Variants in RUSF1 observed in about 807,000 individuals in gnomAD.
RUSF1 encodes RUS1 family protein C16orf58.
A neutral mutation model predicts 63.0 loss-of-function variants in RUSF1; 58 were observed. The ratio of observed to expected loss-of-function variants is 0.92; its 90% confidence interval spans 0.75 to 1.15. The LOEUF (loss-of-function observed/expected upper bound fraction) is 1.15. Among genes scored for constraint, RUSF1 ranks in the 50% most tolerant of loss-of-function variants. The probability of loss-of-function intolerance (pLI) is 0.00; values close to 1 mark genes in which losing one functional copy is unlikely to be tolerated. For missense variants in RUSF1, 652 were observed against 611.0 expected (o/e 1.07, Z -0.71); for synonymous variants, 274 against 255.8 (o/e 1.07, Z -0.68).
At chr16:31,492,899 G>T in intron 10 of RUSF1, 79 bp downstream of exon 10, 1 of 1,443,004 alleles carries the variant, frequency 6.9e-7, no homozygotes, top group Non-Finnish European at 9.5e-7. Flanking sequence ...ACTGCCCAGA[G>T]CTCGGGGCCC....
intron 2 of RUSF1, among the ~76,000 whole-genome samples, chr16:31,504,235 A>C (rs2082647046): frequency 2.0e-5 from 3 of 149,964 alleles, no homozygotes; most frequent in Admixed American, 2.0e-4. Flanking sequence ...AGTGATCTTG[A>C]TTTTTCTTAA....
At position 31,508,159 on chromosome 16, in the gene RUSF1, CCGGAGAGGGG is replaced by C; in HGVS notation, c.205_214del (p.Pro69GlyfsTer39). 1 of 1,586,102 alleles carries C rather than the reference CCGGAGAGGGG, an allele frequency of 6.3e-7. No individual in the cohort carries two copies. The highest frequency in any genetic ancestry group is 8.6e-7 in the Non-Finnish European group (1 of 1,167,262). On this transcript the variant is annotated frameshift_variant, in exon 1 of 13. Transcript: ENST00000327237. LOFTEE classifies it high-confidence loss of function. ...CTGAGGCAGGAACACGGCCTGGAGC[CCGGAGAGGGG>C]CGGTGAGGGGGCCCCGGAAGCCCCC...
intron 2 of RUSF1, among the ~76,000 whole-genome samples, chr16:31,505,148 T>C (rs886505589): frequency 2.6e-5 from 4 of 152,120 alleles, no homozygotes; most frequent in Admixed American, 1.3e-4. Flanking sequence ...AGGAGAGATA[T>C]GCTGGCGGCA....
chr16:31,492,421 G>A, intron 10 of RUSF1, 81 bp from the exon 11 acceptor site: 1 of 1,447,314 alleles, frequency 6.9e-7, no homozygotes, highest in Non-Finnish European at 9.1e-7. Flanking sequence ...TGCTTCCCCT[G>A]TCTGCCCCAA....
In RUSF1 at chr16:31,492,297, G is replaced by C; in HGVS notation, c.1131C>G (p.Thr377=). 3 of 1,606,464 alleles carry C rather than the reference G, an allele frequency of 1.9e-6. No homozygotes were observed. In the South Asian group the frequency reaches 3.3e-5, roughly 18 times the overall value. ...GCCCATGTGTGGCGGCCCTTAGGAT[G>C]GTCTTGGGGCCTGCCTTCTGGTTCA... ...VVLNQKAGPK[T]ILRAATHGLM... The change falls in exon 11 of 13, where the codon ACC becomes ACG. Residue 377 remains threonine, a synonymous_variant. Coordinates refer to ENST00000327237, the MANE Select transcript of RUSF1 (RefSeq NM_022744.4).
Position 31,492,979 on chromosome 16 carries a change from TTG to T in RUSF1, c.1084_1085del (p.Gln362LysfsTer51). On this transcript the variant is annotated frameshift_variant and splice_region_variant, in exon 10 of 13. Transcript: ENST00000327237. LOFTEE classifies it high-confidence loss of function. Reference sequence around the variant, plus strand: ...GCTGGGAGAATGAGGCACACTCACTTTGTGACTGGTCCCAGCAGAGGAGGTAG... The same window carrying T: ...GCTGGGAGAATGAGGCACACTCACTTTGACTGGTCCCAGCAGAGGAGGTAG... The part of the protein sequence containing the change: ...ESYLLCWDQS[Q>X]NQVQVVLNQK... 6.2e-7 allele frequency: 1 copy of T among 1,609,712 alleles called. No homozygotes were observed. The highest frequency in any genetic ancestry group is 8.5e-7 in the Non-Finnish European group (1 of 1,177,034).
intron 2 of RUSF1, among the ~76,000 whole-genome samples, chr16:31,503,051 C>T (rs1385124473): frequency 6.6e-6 from 1 of 152,240 alleles, no homozygotes; most frequent in Non-Finnish European, 1.5e-5. Context: ...GAGGCATTTA[C>T]AGGACAAATG....
At position 31,490,372 on chromosome 16, in the gene RUSF1, G is replaced by C. The variant is rs770514306; in HGVS notation, c.*463C>G. The C allele has an allele frequency of 6.2e-7, 1 of 1,613,282 alleles. No homozygotes were observed. The highest frequency in any genetic ancestry group is 1.3e-5 in the African/African-American group (1 of 75,060). Reference sequence around the variant, plus strand: ...CTGCTCTGGTTTTGTGGAATGAGCAGAGGTGGGGTGGGCAGTCCTCCGCCC... The same window carrying C: ...CTGCTCTGGTTTTGTGGAATGAGCACAGGTGGGGTGGGCAGTCCTCCGCCC... On this transcript the variant is annotated 3_prime_UTR_variant, in exon 13 of 13. Coordinates refer to ENST00000327237, the MANE Select transcript of RUSF1 (RefSeq NM_022744.4).
chr16:31,499,464 T>TCCCCAAC, intron 4 of RUSF1, 29 bp downstream of exon 4: 1 of 1,601,372 alleles, frequency 6.2e-7, no homozygotes, highest in Non-Finnish European at 8.5e-7. Flanking sequence ...AATGGAAGAC[T>TCCCCAAC]CCCCTCCCCC....
chr16:31,502,363 A>C (rs570445065), intron 2 of RUSF1, among the ~76,000 whole-genome samples: 1 of 152,166 alleles, frequency 6.6e-6, no homozygotes, highest in East Asian at 1.9e-4. Context: ...CCCACCCTGG[A>C]CTTGAGGGAA....
Position 31,489,504 on chromosome 16 carries a change from AT to A in RUSF1, c.*1330del. On this transcript the variant is annotated 3_prime_UTR_variant, in exon 13 of 13. Transcript: ENST00000327237. The stretch of plus-strand genomic sequence containing the variant: ...CGAGCAAGAATTTTTATTTAAATAC[AT>A]TTATTTGAACCGGCCTGGGGGAGGC... 1 of 680,734 alleles carries A rather than the reference AT, an allele frequency of 1.5e-6. No homozygotes were observed. Among genetic ancestry groups the A allele is most frequent in the Non-Finnish European group, 2.6e-6 (1 of 388,952 alleles). 42.2% of individuals were successfully genotyped at this position (680,734 alleles called of 1,614,324 possible). A position where few individuals can be genotyped will look rare whatever the true frequency, so the allele number is the denominator to read the frequency against.
Position 31,507,744 on chromosome 16 carries a change from G to C in RUSF1, c.415+20C>G. On this transcript the variant is annotated intron_variant, in intron 2 of 12. Coordinates refer to ENST00000327237, the MANE Select transcript of RUSF1 (RefSeq NM_022744.4). ...AGGGCTGAAAGCAGCAATACGTGAG[G>C]CTCCAGGGGTGCAGCTCACCTTTCA... 6.4e-7 allele frequency: 1 copy of C among 1,552,140 alleles called. No homozygotes were observed. The highest frequency in any genetic ancestry group is 8.7e-7 in the Non-Finnish European group (1 of 1,146,174).
At chr16:31,507,490 G>C (rs1430801181) in intron 2 of RUSF1, among the ~76,000 whole-genome samples, 2 of 152,184 alleles carry the variant, frequency 1.3e-5, no homozygotes, top group African/African-American at 4.8e-5. Flanking sequence ...AAAGAGAATA[G>C]GGATAAAGGG....
chr16:31,498,918 G>A (rs1427428443), intron 5 of RUSF1, among the ~76,000 whole-genome samples: 2 of 152,158 alleles, frequency 1.3e-5, no homozygotes, highest in Non-Finnish European at 2.9e-5. Context: ...AAACACTGGT[G>A]CAATTATGTG....
In RUSF1 at chr16:31,496,896, C is replaced by T. The variant is rs1354642120; in HGVS notation, c.655G>A (p.Ala219Thr). ...ACGTCAGCCATGTTGTTCCTCCGAG[C>T]CTGGTGCACGGTCAGGGCAGCCCGA... ...ATRAALTVHQ[A>T]RRNNMADVSA... The change falls in exon 6 of 13, where the codon GCT becomes ACT. Residue 219 changes from alanine (A) to threonine (T), a missense_variant. By Grantham distance (58) the Ala-to-Thr change is moderately conservative. Transcript: ENST00000327237. 3 of 1,610,066 alleles carry T rather than the reference C, an allele frequency of 1.9e-6. No individual in the cohort carries two copies. In the African/African-American group the frequency reaches 4.0e-5, roughly 22 times the overall value.
chr16:31,496,796 T>C, intron 6 of RUSF1, 53 bp downstream of exon 6: 2 of 1,444,982 alleles, frequency 1.4e-6, no homozygotes, highest in Admixed American at 2.3e-5. Flanking sequence ...TCAAGTGGCT[T>C]CTCTCCCCTT....
intron 1 of RUSF1, 79 bp from the exon 2 acceptor site, chr16:31,507,957 G>C (rs2082669710): frequency 1.3e-6 from 2 of 1,528,144 alleles, no homozygotes; most frequent in East Asian, 4.9e-5. Flanking sequence ...TCTTGTTCTT[G>C]GTGTATGAGG....
At chr16:31,491,886 T>C (rs1878288409) in intron 12 of RUSF1, 123 bp downstream of exon 12, 1 of 1,043,122 alleles carries the variant, frequency 9.6e-7, no homozygotes, top group Non-Finnish European at 1.4e-6. Context: ...GGTGTGAGCC[T>C]CTGCACCAGG....
chr16:31,496,320 CA>C (rs2082602036), intron 6 of RUSF1, among the ~76,000 whole-genome samples: 1 of 152,176 alleles, frequency 6.6e-6, no homozygotes, highest in Non-Finnish European at 1.5e-5. Context: ...CTCAGCCTCC[CA>C]AAGTGCTAGG....
Sources: gnomAD v4.1 joint callset for allele counts (sites outside exome capture counted in the v4.1 genomes callset) on GRCh38, gnomAD v4.1.1 for gene constraint, MANE v1.5 for transcripts, NCBI Gene and HGNC (gene_info 2026-07-23, HGNC 2026-07-21) for gene names.